Variants in CA2 observed in about 807,000 individuals in gnomAD.
CA2 encodes carbonate dehydratase II.
Under a neutral mutation model 27.8 loss-of-function variants are expected in CA2, and 23 were observed. The ratio of observed to expected loss-of-function variants is 0.83; its 90% CI spans 0.59 to 1.17. The LOEUF (loss-of-function observed/expected upper bound fraction) is 1.17. Among genes scored for constraint, CA2 ranks in the 50% most tolerant of loss-of-function variants. The probability of loss-of-function intolerance (pLI) is 0.00; values close to 1 mark genes in which losing one functional copy is unlikely to be tolerated. For synonymous variants in CA2, 99 were observed against 114.9 expected, an observed-to-expected ratio of 0.86 and a Z score of 0.88; for missense variants, 300 against 314.7, an observed-to-expected ratio of 0.95 and a Z score of 0.35.
chr8:85,474,706 C>T, intron 4 of CA2: 1 of 420,348 alleles, frequency 2.4e-6, no homozygotes, highest in Non-Finnish European at 4.4e-6. Context: ...TTTCATTTAA[C>T]CTGAGGCTAG....
chr8:85,475,199 C>T lies in CA2; in HGVS notation c.445-599C>T, dbSNP rs184262145. On this transcript the variant is annotated intron_variant, in intron 4 of 6. Coordinates refer to ENST00000285379, the MANE Select transcript of CA2 (RefSeq NM_000067.3). ...AAAAACAAACTAACAAACAAAAAAA[C>T]AAAACAAAAACAAAAACACAAAATT... Among the ~76,000 whole-genome samples the T allele has an allele frequency of 6.0e-5, 9 of 151,214 alleles. No homozygotes were observed. In the East Asian group the frequency reaches 1.7e-3, roughly 29 times the overall value.
intron 6 of CA2, among the ~76,000 whole-genome samples, chr8:85,479,031 A>G (rs1218576151): frequency 6.6e-6 from 1 of 152,188 alleles, no homozygotes; most frequent in Non-Finnish European, 1.5e-5. Flanking sequence ...GAATGTGATC[A>G]TCACAGTCAG....
intron 2 of CA2, among the ~76,000 whole-genome samples, chr8:85,466,663 C>CACAT (rs948250124): frequency 6.9e-5 from 7 of 101,332 alleles, no homozygotes; most frequent in East Asian, 3.2e-4. Flanking sequence ...CCCCAGTACA[C>CACAT]ACATACATAC....
chr8:85,480,248 ATTT>A (rs916632088), intron 6 of CA2, among the ~76,000 whole-genome samples: 4 of 151,968 alleles, frequency 2.6e-5, no homozygotes, highest in African/African-American at 9.7e-5. Flanking sequence ...GTGGAATGTA[ATTT>A]TTGTTTGTTT....
chr8:85,467,024 A>G (rs1227894990), intron 2 of CA2, among the ~76,000 whole-genome samples: 1 of 152,210 alleles, frequency 6.6e-6, no homozygotes, highest in East Asian at 1.9e-4. Flanking sequence ...TTAAAGAGCC[A>G]CAATGATGTC....
chr8:85,473,447 C>T (rs1481675472), intron 2 of CA2: 4 of 612,810 alleles, frequency 6.5e-6, no homozygotes, highest in South Asian at 1.5e-5. Context: ...CTCCAGACAA[C>T]GCATGTGAGG....
chr8:85,481,005 T>G lies in CA2; in HGVS notation c.*216T>G. ...TGGCTGGTTGGTGCTTTGTTTATGG[T>G]AGTAGTTTTTCTGTAACACAGAATA... On this transcript the variant is annotated 3_prime_UTR_variant, in exon 7 of 7. Coordinates refer to ENST00000285379, the MANE Select transcript of CA2 (RefSeq NM_000067.3). The G allele has an allele frequency of 1.8e-6, 1 of 548,212 alleles. No homozygotes were observed. Among genetic ancestry groups the G allele is most frequent in the Non-Finnish European group, 3.3e-6 (1 of 306,052 alleles). 34.0% of individuals were successfully genotyped at this position (548,212 alleles called of 1,614,324 possible). A position where few individuals can be genotyped will look rare whatever the true frequency, so the allele number is the denominator to read the frequency against.
At position 85,464,154 on chromosome 8, in the gene CA2, C is replaced by CCCCGATG. The variant is rs1811579649; in HGVS notation, c.34+45_34+46insGCCCGAT. The CCCCGATG allele has an allele frequency of 1.0e-5, 15 of 1,440,146 alleles. No homozygotes were observed. The Admixed American group carries it at 2.1e-4, about 20-fold the overall frequency. 89.2% of individuals were successfully genotyped at this position (1,440,146 alleles called of 1,614,324 possible). A position where few individuals can be genotyped will look rare whatever the true frequency, so the allele number is the denominator to read the frequency against. ...ACGGCCAGCGCGGGGGCGCCCCGAT[C>CCCCGATG]CCCGATCCCCGATCCCCGATCCCCG... On this transcript the variant is annotated intron_variant, in intron 1 of 6. Transcript: ENST00000285379.
chr8:85,477,126 A>G lies in CA2; in HGVS notation c.514A>G (p.Ser172Gly), dbSNP rs1811812614. The change falls in exon 6 of 7, where the codon AGT (serine) becomes GGT (glycine). Residue 172 changes from serine (S) to glycine (G), a missense_variant. By Grantham distance (56) the Ser-to-Gly change is moderately conservative (BLOSUM62 0). Around this residue, in one of 3 missense-constraint regions of CA2, gnomAD observed 173 missense variants for 161.0 expected, o/e 1.07. Coordinates refer to ENST00000285379, the MANE Select transcript of CA2 (RefSeq NM_000067.3). Reference sequence around the variant, plus strand: ...CGTATTTGCCTTGTTCTAGGGCAAGAGTGCTGACTTCACTAACTTCGATCC... The same window carrying G: ...CGTATTTGCCTTGTTCTAGGGCAAGGGTGCTGACTTCACTAACTTCGATCC... ...VLDSIKTKGK[S>G]ADFTNFDPRG... The G allele has an allele frequency of 1.2e-6, 2 of 1,614,066 alleles. No homozygotes were observed. Among genetic ancestry groups the G allele is most frequent in the Non-Finnish European group, 1.7e-6 (2 of 1,179,968 alleles).
Position 85,465,279 on chromosome 8 carries a change from G to A in CA2, c.42G>A (p.Glu14=). 1.2e-6 allele frequency: 2 copies of A among 1,613,840 alleles called. No individual in the cohort carries two copies. Among genetic ancestry groups the A allele is most frequent in the Non-Finnish European group, 1.7e-6 (2 of 1,179,726 alleles). The change falls in exon 2 of 7, where the codon GAG becomes GAA. Residue 14 remains glutamate (E), a synonymous_variant. Transcript: ENST00000285379. ...HWGYGKHNGP[E]HWHKDFPIAK... ...ATGTCTTCTTTCCCCCAGGACCTGAGCACTGGCATAAGGACTTCCCCATTG... is the reference window on the plus strand; with the variant it reads ...ATGTCTTCTTTCCCCCAGGACCTGAACACTGGCATAAGGACTTCCCCATTG...
At position 85,465,316 on chromosome 8, in the gene CA2, C is replaced by T. The variant is rs1380072010; in HGVS notation, c.79C>T (p.Arg27Cys). Residue 27 changes from arginine to cysteine, a missense_variant, in exon 2 of 7, where the codon CGC becomes TGC. Arg to Cys is a radical substitution (Grantham distance 180). Transcript: ENST00000285379. The stretch of plus-strand genomic sequence containing the variant: ...GGACTTCCCCATTGCCAAGGGAGAG[C>T]GCCAGTCCCCTGTTGACATCGACAC... ...HKDFPIAKGE[R>C]QSPVDIDTHT... 5 of 1,613,994 alleles carry T rather than the reference C, an allele frequency of 3.1e-6. No homozygotes were observed. The highest frequency in any genetic ancestry group is 4.2e-6 in the Non-Finnish European group (5 of 1,179,994).
At chr8:85,479,571 A>G (rs1013014083) in intron 6 of CA2, among the ~76,000 whole-genome samples, 1 of 152,060 alleles carries the variant, frequency 6.6e-6, no homozygotes, top group Non-Finnish European at 1.5e-5. Flanking sequence ...GAGGGGGGAA[A>G]GTAGCACTTT....
chr8:85,475,733 T>C, intron 4 of CA2, 65 bp from the exon 5 acceptor site: 6 of 1,459,436 alleles, frequency 4.1e-6, no homozygotes, highest in Non-Finnish European at 5.8e-6. Context: ...GCTACCCAAA[T>C]AAAAATAAAA....
At chr8:85,468,619 G>A (rs1352499955) in intron 2 of CA2, among the ~76,000 whole-genome samples, 1 of 152,104 alleles carries the variant, frequency 6.6e-6, no homozygotes, top group African/African-American at 2.4e-5. Flanking sequence ...AATGAGCTAG[G>A]TGTTGTGGCA....
At position 85,473,771 on chromosome 8, in the gene CA2, G is replaced by T. The variant is rs760867064; in HGVS notation, c.311G>T (p.Gly104Val). The T allele has an allele frequency of 1.2e-6, 2 of 1,609,746 alleles. No homozygotes were observed. The highest frequency in any genetic ancestry group is 1.7e-6 in the Non-Finnish European group (2 of 1,176,168). ...CACTGGGGTTCACTTGATGGACAAG[G>T]TTCAGAGCATACTGTGGATAAAAAG... ...HFHWGSLDGQ[G>V]SEHTVDKKKY... The change falls in exon 3 of 7, where the codon GGT (glycine) becomes GTT (valine). Residue 104 changes from glycine to valine, a missense_variant. Physicochemically the swap from Gly to Val is moderately radical, Grantham distance 109. Transcript: ENST00000285379.
intron 3 of CA2, 30 bp downstream of exon 3, chr8:85,473,841 G>T: frequency 8.3e-7 from 1 of 1,208,128 alleles, no homozygotes; most frequent in South Asian, 1.2e-5. Context: ...TTCTTTCCAG[G>T]GAAAAATGTT....
intron 2 of CA2, among the ~76,000 whole-genome samples, chr8:85,469,108 A>G (rs1225245573): frequency 2.0e-5 from 3 of 152,146 alleles, no homozygotes; most frequent in Non-Finnish European, 2.9e-5. Flanking sequence ...TTTTTTCTGT[A>G]CACAAGTCAA....
intron 6 of CA2, among the ~76,000 whole-genome samples, chr8:85,479,115 G>GA (rs1811849859): frequency 1.3e-5 from 2 of 152,174 alleles, no homozygotes; most frequent in South Asian, 4.2e-4. Flanking sequence ...AAGTATGGGG[G>GA]GGCGTGGATT....
intron 2 of CA2, among the ~76,000 whole-genome samples, chr8:85,472,212 A>C (rs1414812717): frequency 6.6e-6 from 1 of 152,226 alleles, no homozygotes; most frequent in Non-Finnish European, 1.5e-5. Flanking sequence ...GCCAAAGTAA[A>C]TTTGGGCTCA....
Sources: allele counts gnomAD v4.1 joint callset (sites outside exome capture counted in the v4.1 genomes callset), GRCh38; gene constraint gnomAD v4.1.1; regional missense constraint gnomAD v4.1.1; transcripts MANE v1.5; gene names NCBI Gene and HGNC (gene_info 2026-07-23, HGNC 2026-07-21).